The following NACC2 variants were observed in gnomAD, a reference collection of about 807,000 sequenced individuals.
NACC2 encodes the protein nucleus accumbens-associated protein 2.
NACC2 carries 8 observed loss-of-function variants against 25.1 expected under a neutral mutation model. The observed-to-expected ratio is 0.32, with a 90% CI of 0.19 to 0.57. The LOEUF (loss-of-function observed/expected upper bound fraction) is 0.57, where lower values mean the gene tolerates loss of function less well. Among genes scored for constraint, NACC2 ranks in the 20% least tolerant of loss-of-function variants. The probability of loss-of-function intolerance (pLI) is 0.89; values close to 1 mark genes in which losing one functional copy is unlikely to be tolerated. For synonymous variants in NACC2, 435 were observed against 294.7 expected (o/e 1.48, Z -4.88); for missense variants, 644 against 650.2 (o/e 0.99, Z 0.10).
In NACC2 at chr9:136,009,614, G is replaced by A. The variant is rs1272417733; in HGVS notation, c.*1902C>T. ...CCCAGGAGGCTGAGTGCTGTCTGTA[G>A]AGGCGGCCCCACGGGAGGTCTCCTA... is the stretch of plus-strand genomic sequence containing the variant. On this transcript the variant is annotated 3_prime_UTR_variant, in exon 6 of 6. Transcript: ENST00000277554. 1 of 152,296 alleles carries A rather than the reference G, an allele frequency of 6.6e-6. No individual in the cohort carries two copies. The highest frequency in any genetic ancestry group is 6.5e-5 in the Admixed American group (1 of 15,288). The allele number at this position is 152,296 out of a possible 1,614,324, so 9.4% of individuals were successfully genotyped here.
At chr9:136,046,186 G>T (rs930203099) in intron 2 of NACC2, among the ~76,000 whole-genome samples, 1 of 152,196 alleles carries the variant, frequency 6.6e-6, no homozygotes, top group African/African-American at 2.4e-5. Context: ...GTGGTGGGGC[G>T]GGAAGGGATG....
At chr9:136,043,731 A>G (rs1184455893) in intron 2 of NACC2, among the ~76,000 whole-genome samples, 2 of 152,266 alleles carry the variant, frequency 1.3e-5, no homozygotes, top group Admixed American at 6.5e-5. Context: ...AACATTCTAC[A>G]GGAGGGAACT....
intron 2 of NACC2, 142 bp from the exon 3 acceptor site, chr9:136,016,571 C>CAGCAGGAGAGCGGCACAGA: frequency 1.1e-6 from 1 of 949,210 alleles, no homozygotes; most frequent in Non-Finnish European, 1.6e-6. Flanking sequence ...CACTCTGTGC[C>CAGCAGGAGAGCGGCACAGA]GCTCTCCTGC....
At position 136,046,958 on chromosome 9, in the gene NACC2, G is replaced by A. The variant is rs576058429; in HGVS notation, c.886+2678C>T. On this transcript the variant is annotated intron_variant, in intron 2 of 5. Transcript: ENST00000277554. ...TCCATGGTTCTTAACGCGAGAGAGG[G>A]TGGAACAGGCACACGCATTACCACA... Among the ~76,000 whole-genome samples the A allele has an allele frequency of 2.0e-4, 30 of 152,314 alleles. No individual in the cohort carries two copies. In the East Asian group the frequency reaches 5.8e-3, roughly 29 times the overall value.
rs1487362508 is a variant in NACC2 at position 136,018,539 on chromosome 9, C to T, written c.887-2110G>A. On this transcript the variant is annotated intron_variant, in intron 2 of 5. Coordinates refer to ENST00000277554, the MANE Select transcript of NACC2 (RefSeq NM_144653.5). The surrounding 1 kb of genome is among the most constrained non-coding windows in gnomAD (Gnocchi z 4.4). ...CACTCCCTCCCCAGGGACCCACTGG[C>T]CCAGGATGAGCGTGGTACGCACTGC... 6.6e-6 allele frequency among the ~76,000 whole-genome samples: 1 copy of T among 152,098 alleles called. No homozygotes were observed. Among genetic ancestry groups the T allele is most frequent in the African/African-American group, 2.4e-5 (1 of 41,392 alleles).
intron 2 of NACC2, among the ~76,000 whole-genome samples, chr9:136,035,129 T>A (rs1337345132): frequency 1.3e-5 from 2 of 151,862 alleles, no homozygotes; most frequent in East Asian, 3.9e-4. Context: ...TTTGCACCCA[T>A]CAGAGAGCAG....
chr9:136,067,314 G>A (rs1841096877), intron 1 of NACC2, among the ~76,000 whole-genome samples: 1 of 152,040 alleles, frequency 6.6e-6, no homozygotes, highest in Non-Finnish European at 1.5e-5. Context: ...CGGGAGCAGT[G>A]GGGGTGGGGG....
At chr9:136,085,815 C>T (rs1237847729) in intron 1 of NACC2, among the ~76,000 whole-genome samples, 1 of 152,260 alleles carries the variant, frequency 6.6e-6, no homozygotes. Flanking sequence ...CCTGCCAATG[C>T]TGGGTAGCCA....
chr9:136,036,617 A>T (rs1160074429), intron 2 of NACC2, among the ~76,000 whole-genome samples: 2 of 152,208 alleles, frequency 1.3e-5, no homozygotes, highest in African/African-American at 4.8e-5. Flanking sequence ...GCATTATAAA[A>T]CAAAACAGGA....
chr9:136,092,308 G>T (rs1467843888), intron 1 of NACC2, among the ~76,000 whole-genome samples: 1 of 151,488 alleles, frequency 6.6e-6, no homozygotes, highest in Non-Finnish European at 1.5e-5. Flanking sequence ...CGGAGATGGG[G>T]TGAGAGGCCC....
intron 5 of NACC2, among the ~76,000 whole-genome samples, chr9:136,012,533 G>A (rs751093179): frequency 3.3e-5 from 5 of 152,162 alleles, no homozygotes; most frequent in East Asian, 1.9e-4. Flanking sequence ...CAGGGGCCAC[G>A]TCCACCTCGG....
rs1314355003 is a variant in NACC2 at position 136,007,436 on chromosome 9, CAG to C, written c.*4078_*4079del. ...ACAGACGCGCGTGCACACATACACA[CAG>C]ACGCGCACACACACGCGCACACAGA... On this transcript the variant is annotated 3_prime_UTR_variant, in exon 6 of 6. Coordinates refer to ENST00000277554, the MANE Select transcript of NACC2 (RefSeq NM_144653.5). 4 of 127,614 alleles carry C rather than the reference CAG, an allele frequency of 3.1e-5. No homozygotes were observed. The highest frequency in any genetic ancestry group is 6.8e-5 in the Non-Finnish European group (4 of 59,062). The allele number at this position is 127,614 out of a possible 1,614,324, so 7.9% of individuals were successfully genotyped here.
Position 136,022,023 on chromosome 9 carries a change from C to A in NACC2, c.887-5594G>T, listed in dbSNP as rs1308222041. 6.6e-6 allele frequency among the ~76,000 whole-genome samples: 1 copy of A among 152,138 alleles called. No homozygotes were observed. The highest frequency in any genetic ancestry group is 1.5e-5 in the Non-Finnish European group (1 of 68,038). ...AGGAAAGGTCGGGCTACACACCTGT[C>A]CCCACGGGGGCAGCCTGCACGACTC... is the stretch of plus-strand genomic sequence containing the variant. On this transcript the variant is annotated intron_variant, in intron 2 of 5. Coordinates refer to ENST00000277554, the MANE Select transcript of NACC2 (RefSeq NM_144653.5). This position sits in a 1 kb window ranked among gnomAD's most constrained non-coding sequence, Gnocchi z 4.4.
rs936407360 is a variant in NACC2 at position 136,048,384 on chromosome 9, G to A, written c.886+1252C>T. ...TCCTGTACGGCCTCTGTGGTGAGCC[G>A]GAGCCCGGTGTGCTCTGCCCTCAGG... On this transcript the variant is annotated intron_variant, in intron 2 of 5. Transcript: ENST00000277554. Among the ~76,000 whole-genome samples, 291 of 152,310 alleles carry A rather than the reference G, an allele frequency of 1.9e-3. 2 individuals carry two copies. Among genetic ancestry groups the A allele is most frequent in the African/African-American group, 6.8e-3 (281 of 41,570 alleles).
At position 136,018,070 on chromosome 9, in the gene NACC2, G is replaced by A. The variant is rs1029351541; in HGVS notation, c.887-1641C>T. 1.5e-3 allele frequency among the ~76,000 whole-genome samples: 224 copies of A among 152,296 alleles called. 7 individuals carry two copies. Among genetic ancestry groups the A allele is most frequent in the Admixed American group, 0.014 (221 of 15,312 alleles). Reference sequence around the variant, plus strand: ...GCTGGTCTCAGCTGTGCAGAGGGAGGGGTGGGGTGGAACCTGCACGTCCAG... The same window carrying A: ...GCTGGTCTCAGCTGTGCAGAGGGAGAGGTGGGGTGGAACCTGCACGTCCAG... On this transcript the variant is annotated intron_variant, in intron 2 of 5. Coordinates refer to ENST00000277554, the MANE Select transcript of NACC2 (RefSeq NM_144653.5). This position sits in a 1 kb window ranked among gnomAD's most constrained non-coding sequence, Gnocchi z 4.4.
At chr9:136,058,220 G>A (rs1356282144) in intron 1 of NACC2, among the ~76,000 whole-genome samples, 2 of 152,190 alleles carry the variant, frequency 1.3e-5, no homozygotes, top group Non-Finnish European at 2.9e-5. Flanking sequence ...CTATGTCCTT[G>A]GGGTCACCAA....
Position 136,013,178 on chromosome 9 carries a change from GAGA to G in NACC2, c.1255+18_1255+20del. 1 of 407,826 alleles carries G rather than the reference GAGA, an allele frequency of 2.5e-6. No homozygotes were observed. The highest frequency in any genetic ancestry group is 3.2e-5 in the African/African-American group (1 of 30,952). 25.3% of individuals were successfully genotyped at this position (407,826 alleles called of 1,614,324 possible). On this transcript the variant is annotated intron_variant, in intron 5 of 5. Transcript: ENST00000277554. The surrounding 1 kb of genome is among the most constrained non-coding windows in gnomAD (Gnocchi z 6.6). Reference sequence around the variant, plus strand: ...AACCCAGCCCCGGCCCCACCCACCCGAGAGACCCCCAGGCTCTTACATTTCACA... The same window carrying G: ...AACCCAGCCCCGGCCCCACCCACCCGGACCCCCAGGCTCTTACATTTCACA...
At chr9:136,085,007 G>T (rs1442251276) in intron 1 of NACC2, among the ~76,000 whole-genome samples, 1 of 152,126 alleles carries the variant, frequency 6.6e-6, no homozygotes, top group East Asian at 1.9e-4. Flanking sequence ...GGTGCTGAGG[G>T]CAGCGCAAAA....
At position 136,068,488 on chromosome 9, in the gene NACC2, A is replaced by T. The variant is rs903945709; in HGVS notation, c.-59-17908T>A. Among the ~76,000 whole-genome samples, 9 of 144,128 alleles carry T rather than the reference A, an allele frequency of 6.2e-5. 1 individual carries two copies. Among genetic ancestry groups the T allele is most frequent in the Admixed American group, 2.8e-4 (4 of 14,390 alleles). The allele number at this position is 144,128 out of a possible 152,430, so 94.6% of individuals were successfully genotyped here. ...CACTCCGGCCTGGGCAACAAGAGTG[A>T]AACTCCGTCTCAAAAAAAAAAAAAA... On this transcript the variant is annotated intron_variant, in intron 1 of 5. Transcript: ENST00000277554.
Sources: allele counts gnomAD v4.1 joint callset (sites outside exome capture counted in the v4.1 genomes callset), GRCh38; gene constraint gnomAD v4.1.1; non-coding constraint Gnocchi (gnomAD v3.1); transcripts MANE v1.5; gene names NCBI Gene and HGNC (gene_info 2026-07-23, HGNC 2026-07-21).